KCNN2: variants seen among roughly 807,000 people sequenced by gnomAD.
KCNN2 encodes the protein small conductance calcium-activated potassium channel protein 2.
KCNN2 carries 24 observed loss-of-function variants against 55.5 expected under a neutral mutation model. The observed-to-expected ratio is 0.43, with a 90% confidence interval of 0.31 to 0.61. The LOEUF (loss-of-function observed/expected upper bound fraction) is 0.61. Ranked by LOEUF, KCNN2 falls within the 20% of genes least tolerant of loss-of-function variation. The probability of loss-of-function intolerance (pLI) is 0.08; values close to 1 mark genes in which losing one functional copy is unlikely to be tolerated. For synonymous variants in KCNN2, 431 were observed against 336.1 expected (o/e 1.28, Z -3.09); for missense variants, 754 against 853.6 (o/e 0.88, Z 1.45).
chr5:114,219,803 T>C (rs1170012672), intron 1 of KCNN2, among the ~76,000 whole-genome samples: 1 of 152,096 alleles, frequency 6.6e-6, no homozygotes. Flanking sequence ...TTCCTATCAG[T>C]TTTACTGCAA....
chr5:114,368,860 G>A (rs1757682076), intron 2 of KCNN2, among the ~76,000 whole-genome samples: 2 of 77,204 alleles, frequency 2.6e-5, no homozygotes, highest in Non-Finnish European at 5.4e-5. Context: ...CAGCAGTAGG[G>A]ACCTATTTCA....
chr5:114,419,669 G>C (rs1759416749), intron 3 of KCNN2, among the ~76,000 whole-genome samples: 2 of 152,120 alleles, frequency 1.3e-5, no homozygotes, highest in African/African-American at 2.4e-5. Flanking sequence ...AGATGCATAA[G>C]TAATTTATTT....
rs142943268 is a variant in KCNN2 at position 114,262,505 on chromosome 5, C to T, written c.-185+40940C>T. On this transcript the variant is annotated intron_variant, in intron 2 of 10. Transcript: ENST00000512097. ...GAATGTGGGTTCCTGGGCCAGATTG[C>T]CTGGGAGTGAATCCTGGCTCTGGTT... is the stretch of plus-strand genomic sequence containing the variant. 1.8e-3 allele frequency among the ~76,000 whole-genome samples: 279 copies of T among 152,200 alleles called. 2 individuals are homozygous for T. The highest frequency in any genetic ancestry group is 6.5e-3 in the African/African-American group (271 of 41,516).
chr5:114,425,342 C>T (rs2150083545), intron 3 of KCNN2, among the ~76,000 whole-genome samples: 1 of 152,064 alleles, frequency 6.6e-6, no homozygotes, highest in South Asian at 2.1e-4. Context: ...TTCCATAGGA[C>T]CTACACCAAC....
chr5:114,244,521 C>A lies in KCNN2; in HGVS notation c.-185+22956C>A, dbSNP rs371005462. ...CTGAGGCAGGAGAATTGCTTGAACC[C>A]GGGAGGCGGAGGTTACAGCGAGCCG... On this transcript the variant is annotated intron_variant, in intron 2 of 10. Coordinates refer to the KCNN2 transcript ENST00000512097. Among the ~76,000 whole-genome samples the A allele has an allele frequency of 1.7e-4, 25 of 150,204 alleles. No individual in the cohort carries two copies. In the East Asian group the frequency reaches 3.0e-3, roughly 18 times the overall value.
intron 1 of KCNN2, among the ~76,000 whole-genome samples, chr5:114,194,748 AT>A (rs1753517652): frequency 6.6e-6 from 1 of 152,058 alleles, no homozygotes; most frequent in South Asian, 2.1e-4. Flanking sequence ...CATCTAAGAA[AT>A]CATTGCCTAA....
chr5:114,480,555 A>AAAAAG (rs1422761641), intron 5 of KCNN2, among the ~76,000 whole-genome samples: 6 of 152,178 alleles, frequency 3.9e-5, no homozygotes, highest in Non-Finnish European at 8.8e-5. Flanking sequence ...GATACAACAA[A>AAAAAG]AAAAGAAAAC....
chr5:114,354,691 C>A (rs969043814), intron 2 of KCNN2, among the ~76,000 whole-genome samples: 5 of 151,978 alleles, frequency 3.3e-5, no homozygotes, highest in African/African-American at 1.2e-4. Context: ...GTGAAAGTAT[C>A]CAATAGTTTC....
At chr5:114,383,162 T>C (rs578012832) in intron 2 of KCNN2, among the ~76,000 whole-genome samples, 1 of 152,326 alleles carries the variant, frequency 6.6e-6, no homozygotes, top group African/African-American at 2.4e-5. Flanking sequence ...CTGGGTTTTG[T>C]GCAGTTACCT....
intron 1 of KCNN2, among the ~76,000 whole-genome samples, chr5:114,158,315 T>A (rs1038639206): frequency 4.6e-5 from 7 of 152,062 alleles, no homozygotes; most frequent in East Asian, 1.9e-4. Flanking sequence ...ATAGTTGTAG[T>A]TATGCGGCAT....
At chr5:114,484,573 G>A (rs1447767906) in intron 5 of KCNN2, among the ~76,000 whole-genome samples, 1 of 152,136 alleles carries the variant, frequency 6.6e-6, no homozygotes, top group Non-Finnish European at 1.5e-5. Flanking sequence ...GGAAAACAAT[G>A]AGGTGCCTTT....
At chr5:114,200,740 T>G (rs948075214) in intron 1 of KCNN2, among the ~76,000 whole-genome samples, 15 of 152,110 alleles carry the variant, frequency 9.9e-5, no homozygotes, top group African/African-American at 3.6e-4. Context: ...GGCCTTGATT[T>G]TGGATAGTTG....
intron 2 of KCNN2, among the ~76,000 whole-genome samples, chr5:114,281,149 C>A (rs370108870): frequency 6.6e-6 from 1 of 152,104 alleles, no homozygotes; most frequent in East Asian, 1.9e-4. Context: ...GCCTTCCTAA[C>A]AAGGAAATAT....
chr5:114,243,571 A>G (rs1174991759), intron 2 of KCNN2, among the ~76,000 whole-genome samples: 1 of 152,180 alleles, frequency 6.6e-6, no homozygotes, highest in African/African-American at 2.4e-5. Flanking sequence ...TGTTCAAGTC[A>G]ACTTTATTTA....
At position 114,127,259 on chromosome 5, in the gene KCNN2, A is replaced by G. The variant is rs557090280; in HGVS notation, c.-271+70759A>G. Reference sequence around the variant, plus strand: ...CTCCGGCTCCACATTTTCCTTCTGCACTGCCCTGGAAGAGGTTCTCTGTGA... The same window carrying G: ...CTCCGGCTCCACATTTTCCTTCTGCGCTGCCCTGGAAGAGGTTCTCTGTGA... On this transcript the variant is annotated intron_variant, in intron 1 of 10. Transcript: ENST00000512097. Among the ~76,000 whole-genome samples the G allele has an allele frequency of 1.4e-3, 208 of 152,278 alleles. 2 individuals are homozygous for G. The highest frequency in any genetic ancestry group is 4.7e-3 in the African/African-American group (196 of 41,558).
chr5:114,360,080 T>C (rs1301461426), upstream of KCNN2, among the ~76,000 whole-genome samples: 1 of 152,186 alleles, frequency 6.6e-6, no homozygotes, highest in Non-Finnish European at 1.5e-5. Context: ...CTCTGATTGT[T>C]AGCCACTAAA....
chr5:114,480,285 A>G (rs1762169501), intron 5 of KCNN2, among the ~76,000 whole-genome samples: 1 of 152,184 alleles, frequency 6.6e-6, no homozygotes, highest in Non-Finnish European at 1.5e-5. Context: ...TCCCGGACAC[A>G]TAATACCCTC....
chr5:114,164,421 A>G (rs1202332016), intron 1 of KCNN2, among the ~76,000 whole-genome samples: 1 of 152,192 alleles, frequency 6.6e-6, no homozygotes, highest in Non-Finnish European at 1.5e-5. Context: ...CCCATAAAAA[A>G]TTTAAACTAA....
At chr5:114,373,815 T>C (rs1384528318) in intron 2 of KCNN2, among the ~76,000 whole-genome samples, 1 of 148,854 alleles carries the variant, frequency 6.7e-6, no homozygotes, top group Non-Finnish European at 1.5e-5. Context: ...TTTTTCCTTA[T>C]GAAACTTATG....
Sources: gnomAD v4.1 joint callset for allele counts (sites outside exome capture counted in the v4.1 genomes callset) on GRCh38, gnomAD v4.1.1 for gene constraint, MANE v1.5 for transcripts, NCBI Gene and HGNC (gene_info 2026-07-23, HGNC 2026-07-21) for gene names.